The following PACC1 variants were observed in gnomAD, a reference collection of about 807,000 sequenced individuals.
PACC1 encodes the protein proton-activated chloride channel.
A neutral mutation model predicts 39.7 loss-of-function variants in PACC1; 34 were observed. The ratio of observed to expected loss-of-function variants is 0.86; its 90% CI spans 0.65 to 1.14. PACC1 has a LOEUF of 1.14. PACC1 is among the 50% of genes most tolerant of loss of function. The pLI, the probability that PACC1 is intolerant of heterozygous loss-of-function variation, is 0.00. For synonymous variants in PACC1, 127 were observed against 160.6 expected, an observed-to-expected ratio of 0.79 and a Z score of 1.58; for missense variants, 379 against 436.4, an observed-to-expected ratio of 0.87 and a Z score of 1.17.
Position 212,380,057 on chromosome 1 carries a change from A to G in PACC1, c.496-20T>C. The G allele has an allele frequency of 6.2e-7, 1 of 1,612,904 alleles. No homozygotes were observed. On this transcript the variant is annotated intron_variant, in intron 4 of 7. Coordinates refer to ENST00000261455, the MANE Select transcript of PACC1 (RefSeq NM_018252.3). ...AGATTTCTGCAGAGAGAAAAAGGACAGAGTCTCAGTCCTGGGAGAGTACAC... is the reference window on the plus strand; with the variant it reads ...AGATTTCTGCAGAGAGAAAAAGGACGGAGTCTCAGTCCTGGGAGAGTACAC...
At chr1:212,370,197 A>T (rs1039328807) in intron 7 of PACC1, among the ~76,000 whole-genome samples, 14 of 152,196 alleles carry the variant, frequency 9.2e-5, no homozygotes, top group African/African-American at 3.1e-4. Context: ...CCAGGTGCGG[A>T]GGCTCACGCC....
Position 212,410,509 on chromosome 1 carries a change from A to C in PACC1, c.49T>G (p.Leu17Val), listed in dbSNP as rs1158773468. ...STSYQELSEE[L>V]VQVVENSELA... ...TCTGAGTTCTCAACCACCTGGACCA[A>C]CTCCTCACTCAGCTAAAGGGAGAAG... Residue 17 changes from leucine to valine, a missense_variant, in exon 2 of 8, where the codon TTG becomes GTG. Physicochemically the swap from Leu to Val is conservative, Grantham distance 32. Coordinates refer to ENST00000261455, the MANE Select transcript of PACC1 (RefSeq NM_018252.3). 6.2e-7 allele frequency: 1 copy of C among 1,614,070 alleles called. No homozygotes were observed. Among genetic ancestry groups the C allele is most frequent in the South Asian group, 1.1e-5 (1 of 91,066 alleles).
intron 7 of PACC1, among the ~76,000 whole-genome samples, chr1:212,374,664 A>G (rs1042498152): frequency 2.6e-5 from 4 of 152,222 alleles, no homozygotes; most frequent in African/African-American, 9.6e-5. Flanking sequence ...TACCACATAA[A>G]TATGTATATT....
intron 1 of PACC1, chr1:212,414,094 C>T: frequency 6.6e-7 from 1 of 1,521,078 alleles, no homozygotes; most frequent in Non-Finnish European, 8.8e-7. Flanking sequence ...CAGCGCAGGA[C>T]AGAGAAGAGA....
intron 2 of PACC1, among the ~76,000 whole-genome samples, chr1:212,405,255 C>T (rs1661865339): frequency 6.6e-6 from 1 of 152,142 alleles, no homozygotes; most frequent in Non-Finnish European, 1.5e-5. Flanking sequence ...ACTCATACTT[C>T]TATGGAGTCA....
At chr1:212,372,653 C>CA (rs1422269198) in intron 7 of PACC1, among the ~76,000 whole-genome samples, 30 of 152,208 alleles carry the variant, frequency 2.0e-4, no homozygotes, top group African/African-American at 6.7e-4. Flanking sequence ...TCACAGGATA[C>CA]AAAATCAACA....
intron 1 of PACC1, among the ~76,000 whole-genome samples, chr1:212,412,608 C>G (rs1455533581): frequency 6.6e-6 from 1 of 152,206 alleles, no homozygotes; most frequent in Non-Finnish European, 1.5e-5. Flanking sequence ...GGGAGGGCAC[C>G]CTTCCAGTGC....
chr1:212,397,823 G>C (rs548883446), intron 2 of PACC1, among the ~76,000 whole-genome samples: 1 of 152,304 alleles, frequency 6.6e-6, no homozygotes, highest in African/African-American at 2.4e-5. Context: ...TTTTAAGGAA[G>C]AAATAATTTG....
chr1:212,387,490 C>G (rs760338318), intron 2 of PACC1: 3 of 204,520 alleles, frequency 1.5e-5, no homozygotes, highest in African/African-American at 4.7e-5. Context: ...CCCAACCTAC[C>G]TCTCTGGCCT....
At chr1:212,407,939 T>C (rs977648934) in intron 2 of PACC1, among the ~76,000 whole-genome samples, 1 of 152,016 alleles carries the variant, frequency 6.6e-6, no homozygotes, top group African/African-American at 2.4e-5. Flanking sequence ...CTGGGTGTGG[T>C]GGCACACGCC....
In PACC1 at chr1:212,377,652, C is replaced by T. The variant is rs1431661598; in HGVS notation, c.693G>A (p.Lys231=). 17 of 1,614,212 alleles carry T rather than the reference C, an allele frequency of 1.1e-5. No individual in the cohort carries two copies. Among genetic ancestry groups the T allele is most frequent in the Non-Finnish European group, 1.4e-5 (16 of 1,180,020 alleles). The stretch of plus-strand genomic sequence containing the variant: ...CCCAGGTGCGGAAGCCCCCAGAGAA[C>T]TTCCAGCTGGAATAGGCACTCTCAC... ...QACESAYSSW[K]FSGGFRTWVK... is the part of the protein sequence containing the mutation. The change falls in exon 6 of 8, where the codon AAG becomes AAA. Residue 231 remains lysine (K), a synonymous_variant. Coordinates refer to ENST00000261455, the MANE Select transcript of PACC1 (RefSeq NM_018252.3).
intron 7 of PACC1, among the ~76,000 whole-genome samples, chr1:212,373,960 C>T (rs1260157476): frequency 1.3e-5 from 2 of 151,264 alleles, no homozygotes; most frequent in East Asian, 3.9e-4. Context: ...TATGGAGGTT[C>T]CTCAAAAAGC....
rs544356660 is a variant in PACC1 at position 212,384,473 on chromosome 1, T to G, written c.495+801A>C. On this transcript the variant is annotated intron_variant, in intron 4 of 7. Transcript: ENST00000261455. Reference sequence around the variant, plus strand: ...AGGGCTCCTGACCCTATGAAACATTTCCCCACCAACTGCAATTGTGCCCAG... The same window carrying G: ...AGGGCTCCTGACCCTATGAAACATTGCCCCACCAACTGCAATTGTGCCCAG... Among the ~76,000 whole-genome samples the G allele has an allele frequency of 2.2e-3, 340 of 152,276 alleles. 3 individuals carry two copies. The highest frequency in any genetic ancestry group is 6.8e-3 in the Middle Eastern group (2 of 294).
intron 2 of PACC1, among the ~76,000 whole-genome samples, chr1:212,403,539 A>G (rs1310549047): frequency 6.6e-6 from 1 of 152,106 alleles, no homozygotes; most frequent in Non-Finnish European, 1.5e-5. Flanking sequence ...CTCGACTTCA[A>G]CTGACCGTAT....
At chr1:212,400,128 G>A (rs530741276) in intron 2 of PACC1, among the ~76,000 whole-genome samples, 9 of 152,094 alleles carry the variant, frequency 5.9e-5, no homozygotes, top group Middle Eastern at 6.8e-3. Context: ...TTACAGGGAT[G>A]AGCCACTGCA....
intron 7 of PACC1, among the ~76,000 whole-genome samples, chr1:212,368,138 A>G (rs1176922469): frequency 6.6e-6 from 1 of 152,184 alleles, no homozygotes; most frequent in Non-Finnish European, 1.5e-5. Flanking sequence ...CTAGAAGTCT[A>G]CAAGATAGTC....
At chr1:212,390,429 GA>G (rs569040186) in intron 2 of PACC1, among the ~76,000 whole-genome samples, 7,942 of 74,040 alleles carry the variant, frequency 0.11, 262 homozygotes, top group East Asian at 0.2. Context: ...ATCTCAAAAA[GA>G]AAAAAAAAAA....
intron 6 of PACC1, among the ~76,000 whole-genome samples, chr1:212,377,134 C>A (rs1660693005): frequency 6.6e-6 from 1 of 152,184 alleles, no homozygotes; most frequent in Non-Finnish European, 1.5e-5. Context: ...CTCGCTGTGA[C>A]ACCTGTGAGA....
intron 2 of PACC1, among the ~76,000 whole-genome samples, chr1:212,406,682 C>T (rs900356530): frequency 2.0e-5 from 3 of 152,212 alleles, no homozygotes; most frequent in African/African-American, 7.2e-5. Flanking sequence ...CCCAAAGCAA[C>T]TGGGAAGGCT....
Sources: gnomAD v4.1 joint callset for allele counts (sites outside exome capture counted in the v4.1 genomes callset) on GRCh38, gnomAD v4.1.1 for gene constraint, MANE v1.5 for transcripts, NCBI Gene and HGNC (gene_info 2026-07-23, HGNC 2026-07-21) for gene names.